GRIA4: variants seen among roughly 807,000 people sequenced by gnomAD.
The protein encoded by GRIA4 is glutamate receptor 4.
GRIA4 carries 34 observed loss-of-function variants against 104.0 expected under a neutral mutation model. The observed-to-expected ratio is 0.33, with a 90% CI of 0.25 to 0.44. The LOEUF (loss-of-function observed/expected upper bound fraction) is 0.44. GRIA4 is among the 20% of genes least tolerant of loss of function. The pLI, the probability that GRIA4 is intolerant of heterozygous loss-of-function variation, is 1.00. For synonymous variants in GRIA4, 386 were observed against 381.9 expected (o/e 1.01, Z -0.13); for missense variants, 750 against 1,096.5 (o/e 0.68, Z 4.46).
At chr11:105,860,138 C>T (rs1209124257) in intron 4 of GRIA4, among the ~76,000 whole-genome samples, 2 of 152,110 alleles carry the variant, frequency 1.3e-5, no homozygotes, top group Non-Finnish European at 1.5e-5. Flanking sequence ...CTTTCTTCCT[C>T]TTCGGGGAAT....
intron 4 of GRIA4, among the ~76,000 whole-genome samples, chr11:105,849,606 G>A (rs985887891): frequency 6.6e-6 from 1 of 152,200 alleles, no homozygotes. Flanking sequence ...TCACTGTCAG[G>A]TGATGGATCA....
intron 4 of GRIA4, among the ~76,000 whole-genome samples, chr11:105,771,095 C>G (rs1490950919): frequency 6.6e-6 from 1 of 152,048 alleles, no homozygotes; most frequent in Non-Finnish European, 1.5e-5. Flanking sequence ...ATCAAATACC[C>G]TCTATAACTT....
At chr11:105,721,203 A>T (rs903026255) in intron 3 of GRIA4, among the ~76,000 whole-genome samples, 1 of 152,168 alleles carries the variant, frequency 6.6e-6, no homozygotes, top group African/African-American at 2.4e-5. Flanking sequence ...CATTGCAAAA[A>T]TAACTATTTT....
intron 3 of GRIA4, among the ~76,000 whole-genome samples, chr11:105,735,870 A>G (rs1938905276): frequency 6.6e-6 from 1 of 152,166 alleles, no homozygotes; most frequent in Non-Finnish European, 1.5e-5. Flanking sequence ...AAACAGCTCA[A>G]ATTTAAGAGC....
intron 3 of GRIA4, among the ~76,000 whole-genome samples, chr11:105,629,919 A>C (rs1009528779): frequency 4.5e-4 from 69 of 152,370 alleles, no homozygotes; most frequent in African/African-American, 1.5e-3. Flanking sequence ...ACTATAGCTC[A>C]TTAAAAAAGC....
chr11:105,820,814 C>A (rs1943549604), intron 4 of GRIA4, among the ~76,000 whole-genome samples: 1 of 152,060 alleles, frequency 6.6e-6, no homozygotes, highest in South Asian at 2.1e-4. Context: ...CAGACAAAGT[C>A]ACTAAAATTT....
intron 11 of GRIA4, 29 bp from the exon 12 acceptor site, chr11:105,924,370 T>A (rs112164494): frequency 1.3e-6 from 2 of 1,516,194 alleles, no homozygotes; most frequent in African/African-American, 2.8e-5. Flanking sequence ...CATTAACCTA[T>A]GTGTCTCCAT....
intron 10 of GRIA4, chr11:105,912,476 T>TAA: frequency 1.1e-6 from 1 of 909,704 alleles, no homozygotes; most frequent in Non-Finnish European, 1.3e-6. Flanking sequence ...AAGCATGCTA[T>TAA]CAAAAAAAAA....
chr11:105,677,301 G>A (rs914195781), intron 3 of GRIA4, among the ~76,000 whole-genome samples: 3 of 151,826 alleles, frequency 2.0e-5, no homozygotes, highest in Non-Finnish European at 4.4e-5. Flanking sequence ...GATAATCACA[G>A]TCAAGAAATG....
At chr11:105,886,679 ATT>A (rs1481863022) in intron 5 of GRIA4, among the ~76,000 whole-genome samples, 2 of 152,144 alleles carry the variant, frequency 1.3e-5, no homozygotes, top group African/African-American at 4.8e-5. Context: ...GTACCTGAAA[ATT>A]GTGGCTTTCA....
chr11:105,908,777 G>C (rs969969734), intron 9 of GRIA4, among the ~76,000 whole-genome samples: 3 of 152,050 alleles, frequency 2.0e-5, no homozygotes, highest in African/African-American at 7.2e-5. Flanking sequence ...TCCCAGATCT[G>C]TGATTCTCTC....
chr11:105,897,158 A>ATG (rs926961984), intron 6 of GRIA4, among the ~76,000 whole-genome samples: 4 of 151,660 alleles, frequency 2.6e-5, no homozygotes, highest in South Asian at 2.1e-4. Context: ...GATATTTTGT[A>ATG]TGTGTGTGTG....
intron 14 of GRIA4, among the ~76,000 whole-genome samples, chr11:105,940,203 A>G (rs1948149281): frequency 2.0e-5 from 3 of 152,008 alleles, no homozygotes. Context: ...TGACTCTACA[A>G]AAAATAGAAA....
intron 4 of GRIA4, among the ~76,000 whole-genome samples, chr11:105,839,420 C>A (rs1389526465): frequency 6.8e-6 from 1 of 147,440 alleles, no homozygotes; most frequent in Non-Finnish European, 1.5e-5. Context: ...TCTCAATTCT[C>A]ATTTCTATTC....
At chr11:105,822,396 A>G (rs1009765781) in intron 4 of GRIA4, among the ~76,000 whole-genome samples, 2 of 152,066 alleles carry the variant, frequency 1.3e-5, no homozygotes, top group East Asian at 3.9e-4. Context: ...TCAGACACAC[A>G]CTATAAATGT....
chr11:105,762,054 C>G (rs2135718478), intron 4 of GRIA4, among the ~76,000 whole-genome samples: 1 of 148,262 alleles, frequency 6.7e-6, no homozygotes, highest in East Asian at 2.0e-4. Flanking sequence ...GACGGAGTCT[C>G]ACTCTATTGC....
chr11:105,656,208 A>G (rs193040833), intron 3 of GRIA4, among the ~76,000 whole-genome samples: 1 of 152,034 alleles, frequency 6.6e-6, no homozygotes, highest in African/African-American at 2.4e-5. Context: ...CGTTTAAATT[A>G]TTTGTAGATT....
chr11:105,624,119 C>T (rs1950825245), intron 3 of GRIA4, among the ~76,000 whole-genome samples: 1 of 151,952 alleles, frequency 6.6e-6, no homozygotes, highest in South Asian at 2.1e-4. Context: ...CATTTTTTCT[C>T]ATTTGTTTCC....
chr11:105,762,270 C>T (rs990032122), intron 4 of GRIA4, among the ~76,000 whole-genome samples: 2 of 152,116 alleles, frequency 1.3e-5, no homozygotes, highest in Non-Finnish European at 2.9e-5. Context: ...GTGATCTGCC[C>T]GCCTTGGCCT....
Sources: gnomAD v4.1 joint callset for allele counts (sites outside exome capture counted in the v4.1 genomes callset) on GRCh38, gnomAD v4.1.1 for gene constraint, MANE v1.5 for transcripts, NCBI Gene and HGNC (gene_info 2026-07-23, HGNC 2026-07-21) for gene names.